FAM241A: variants seen among roughly 807,000 people sequenced by gnomAD.
The protein encoded by FAM241A is uncharacterized protein FAM241A.
FAM241A carries 7 observed loss-of-function variants against 12.2 expected under a neutral mutation model. The observed-to-expected ratio is 0.58, with a 90% CI of 0.33 to 1.08. The LOEUF is 1.08. Ranked by LOEUF, FAM241A falls within the 50% of genes least tolerant of loss-of-function variation. The pLI is 0.04. For missense variants in FAM241A, 161 were observed against 169.7 expected (o/e 0.95, Z 0.29); for synonymous variants, 74 against 68.2 (o/e 1.08, Z -0.42).
chr4:112,183,662 G>T (rs1243962013), intron 1 of FAM241A, among the ~76,000 whole-genome samples: 1 of 151,054 alleles, frequency 6.6e-6, no homozygotes, highest in Non-Finnish European at 1.5e-5. Flanking sequence ...AGTACAATGA[G>T]TGCATAGATT....
Position 112,192,110 on chromosome 4 carries a change from C to G in FAM241A, c.*5172C>G, listed in dbSNP as rs1227635165. The G allele has an allele frequency of 6.6e-6, 1 of 152,126 alleles. No individual in the cohort carries two copies. The highest frequency in any genetic ancestry group is 1.5e-5 in the Non-Finnish European group (1 of 68,032). 9.4% of individuals were successfully genotyped at this position (152,126 alleles called of 1,614,324 possible). On this transcript the variant is annotated 3_prime_UTR_variant, in exon 2 of 2. Transcript: ENST00000309733. ...GATGTATACATTATAATTTATAAAG[C>G]TATTCACTTCTGATAAAAGAATACT...
At chr4:112,150,860 T>C (rs1723233016) in intron 1 of FAM241A, among the ~76,000 whole-genome samples, 1 of 152,232 alleles carries the variant, frequency 6.6e-6, no homozygotes, top group Non-Finnish European at 1.5e-5. Flanking sequence ...GAATTAATAA[T>C]ATATGAGATG....
In FAM241A at chr4:112,163,637, C is replaced by T. The variant is rs138031768; in HGVS notation, c.153+17904C>T. Among the ~76,000 whole-genome samples, 654 of 152,206 alleles carry T rather than the reference C, an allele frequency of 4.3e-3. 6 individuals carry two copies. Among genetic ancestry groups the T allele is most frequent in the African/African-American group, 0.015 (613 of 41,516 alleles). Reference sequence around the variant, plus strand: ...TACCATCTCACACCAGTTAGAATGACGATTATTAAAAAGTTAGGAAACAAC... The same window carrying T: ...TACCATCTCACACCAGTTAGAATGATGATTATTAAAAAGTTAGGAAACAAC... On this transcript the variant is annotated intron_variant, in intron 1 of 1. Coordinates refer to ENST00000309733, the MANE Select transcript of FAM241A (RefSeq NM_152400.3).
rs1723775137 is a variant in FAM241A, at chr4:112,174,114, T to C, written c.154-12579T>C. Among the ~76,000 whole-genome samples the C allele has an allele frequency of 2.0e-5, 3 of 152,172 alleles. No individual in the cohort carries two copies. The South Asian group carries it at 6.2e-4, about 32-fold the overall frequency. Reference sequence around the variant, plus strand: ...CTAGCTCCATGTTGTGGAATCTCAATTCCAGGTAGGTATAGCTGAGACAAC... The same window carrying C: ...CTAGCTCCATGTTGTGGAATCTCAACTCCAGGTAGGTATAGCTGAGACAAC... On this transcript the variant is annotated intron_variant, in intron 1 of 1. Coordinates refer to ENST00000309733, the MANE Select transcript of FAM241A (RefSeq NM_152400.3).
intron 1 of FAM241A, among the ~76,000 whole-genome samples, chr4:112,145,998 T>G (rs1245934399): frequency 6.6e-6 from 1 of 152,058 alleles, no homozygotes; most frequent in East Asian, 1.9e-4. Flanking sequence ...TCCCCTGGCG[T>G]CCGGCAGAGG....
chr4:112,146,281 G>A (rs1723136715), intron 1 of FAM241A, among the ~76,000 whole-genome samples: 1 of 152,116 alleles, frequency 6.6e-6, no homozygotes, highest in Non-Finnish European at 1.5e-5. Context: ...GACTCTCCCA[G>A]AGCACGTTCT....
At chr4:112,145,886 G>C (rs1019194080) in intron 1 of FAM241A, among the ~76,000 whole-genome samples, 153 bp downstream of exon 1, 8 of 151,522 alleles carry the variant, frequency 5.3e-5, no homozygotes, top group Non-Finnish European at 1.0e-4. Context: ...TCGTCGCCGG[G>C]AGCGGTTAGA....
chr4:112,186,685 T>C lies in FAM241A; in HGVS notation c.154-8T>C. On this transcript the variant is annotated splice_region_variant and splice_polypyrimidine_tract_variant and intron_variant, in intron 1 of 1. Coordinates refer to ENST00000309733, the MANE Select transcript of FAM241A (RefSeq NM_152400.3). ...GTTCATGTTTTGTCTTTTTTTTTTT[T>C]TTTAAAGGATGTTGAAGACTCACAG... The C allele has an allele frequency of 6.3e-7, 1 of 1,581,868 alleles. No individual in the cohort carries two copies. Among genetic ancestry groups the C allele is most frequent in the Non-Finnish European group, 8.5e-7 (1 of 1,170,058 alleles).
chr4:112,172,989 G>A (rs1404032742), intron 1 of FAM241A, among the ~76,000 whole-genome samples: 2 of 152,146 alleles, frequency 1.3e-5, no homozygotes, highest in Non-Finnish European at 2.9e-5. Flanking sequence ...CTGGGCTGAA[G>A]CTATTTTCCT....
intron 1 of FAM241A, among the ~76,000 whole-genome samples, chr4:112,174,740 A>G (rs1302187638): frequency 6.6e-6 from 1 of 152,202 alleles, no homozygotes; most frequent in African/African-American, 2.4e-5. Flanking sequence ...AGGAGCAATT[A>G]TGGTAGGATA....
At chr4:112,179,959 G>GTATA (rs1203407370) in intron 1 of FAM241A, among the ~76,000 whole-genome samples, 1 of 123,136 alleles carries the variant, frequency 8.1e-6, no homozygotes, top group Admixed American at 8.2e-5. Flanking sequence ...GTGTGTGTGT[G>GTATA]TATATATATA....
chr4:112,156,936 C>A (rs955403371), intron 1 of FAM241A, among the ~76,000 whole-genome samples: 1 of 152,108 alleles, frequency 6.6e-6, no homozygotes, highest in Non-Finnish European at 1.5e-5. Context: ...ATTTTGAATT[C>A]TGTTTTTTGT....
intron 1 of FAM241A, among the ~76,000 whole-genome samples, chr4:112,170,020 C>T (rs1015023195): frequency 1.3e-5 from 2 of 152,104 alleles, no homozygotes; most frequent in Non-Finnish European, 2.9e-5. Flanking sequence ...TTAAGTGGAA[C>T]AAAATTCCAG....
At chr4:112,166,910 C>T (rs1188987663) in intron 1 of FAM241A, among the ~76,000 whole-genome samples, 1 of 145,100 alleles carries the variant, frequency 6.9e-6, no homozygotes, top group Admixed American at 6.9e-5. Context: ...GTCAGGAGAT[C>T]GAGACCATCC....
rs1386925406 is a variant in FAM241A at position 112,192,746 on chromosome 4, T to C, written c.*5808T>C. 11 of 150,910 alleles carry C rather than the reference T, an allele frequency of 7.3e-5. No homozygotes were observed. The highest frequency in any genetic ancestry group is 1.5e-5 in the Non-Finnish European group (1 of 67,576). 9.3% of individuals were successfully genotyped at this position (150,910 alleles called of 1,614,324 possible). On this transcript the variant is annotated 3_prime_UTR_variant, in exon 2 of 2. Coordinates refer to ENST00000309733, the MANE Select transcript of FAM241A (RefSeq NM_152400.3). The stretch of plus-strand genomic sequence containing the variant: ...CACATTTTCTTAATCCAGTCTATCA[T>C]TGTTGGACATTTGGGTTGGTTCCAA...
intron 1 of FAM241A, among the ~76,000 whole-genome samples, chr4:112,173,694 G>A (rs1431566115): frequency 6.6e-6 from 1 of 152,170 alleles, no homozygotes; most frequent in Non-Finnish European, 1.5e-5. Flanking sequence ...CACAGTACAT[G>A]TGAAGAATAA....
At chr4:112,184,823 G>A (rs1472560238) in intron 1 of FAM241A, among the ~76,000 whole-genome samples, 2 of 151,750 alleles carry the variant, frequency 1.3e-5, no homozygotes, top group African/African-American at 4.8e-5. Flanking sequence ...GCTTCATATA[G>A]CCATTTCTTT....
chr4:112,151,178 G>A (rs1723239036), intron 1 of FAM241A, among the ~76,000 whole-genome samples: 1 of 152,160 alleles, frequency 6.6e-6, no homozygotes, highest in Non-Finnish European at 1.5e-5. Context: ...TTGGTGACAA[G>A]TAAATTGTCG....
chr4:112,149,165 A>G (rs988212838), intron 1 of FAM241A, among the ~76,000 whole-genome samples: 2 of 152,080 alleles, frequency 1.3e-5, no homozygotes, highest in Non-Finnish European at 2.9e-5. Context: ...CTATGTGTAT[A>G]TGCATATATA....
Sources: gnomAD v4.1 joint callset for allele counts (sites outside exome capture counted in the v4.1 genomes callset) on GRCh38, gnomAD v4.1.1 for gene constraint, MANE v1.5 for transcripts, NCBI Gene and HGNC (gene_info 2026-07-23, HGNC 2026-07-21) for gene names.